FANCM: variants seen among roughly 807,000 people sequenced by gnomAD.
FANCM encodes FA complementation group M, also known as Fanconi anemia group M protein.
A neutral mutation model predicts 199.5 loss-of-function variants in FANCM; 140 were observed. The observed-to-expected ratio is 0.70, with a 90% CI of 0.61 to 0.81. The LOEUF (loss-of-function observed/expected upper bound fraction) is 0.81, where lower values mean the gene tolerates loss of function less well. FANCM is among the 30% of genes least tolerant of loss of function. The pLI, the probability that FANCM is intolerant of heterozygous loss-of-function variation, is 0.00. For synonymous variants in FANCM, 840 were observed against 836.8 expected, an observed-to-expected ratio of 1.00 and a Z score of -0.07; for missense variants, 2,410 against 2,421.4, an observed-to-expected ratio of 1.00 and a Z score of 0.10.
chr14:45,195,722 G>C (rs768909553), intron 20 of FANCM: 9 of 324,932 alleles, frequency 2.8e-5, no homozygotes, highest in Non-Finnish European at 5.5e-5. Flanking sequence ...TTTTAAAACT[G>C]AACAGGTTTA....
intron 20 of FANCM, among the ~76,000 whole-genome samples, chr14:45,195,234 A>G (rs773587062): frequency 1.3e-5 from 2 of 152,132 alleles, no homozygotes; most frequent in Admixed American, 6.5e-5. Flanking sequence ...CATAAGAGCC[A>G]TTTGCATTTC....
rs76768362 is a variant in FANCM at position 45,151,104 on chromosome 14, A to G, written c.919-293A>G. Among the ~76,000 whole-genome samples the G allele has an allele frequency of 0.028, 4,323 of 152,292 alleles. 136 individuals carry two copies. The highest frequency in any genetic ancestry group is 0.071 in the African/African-American group (2,969 of 41,560). On this transcript the variant is annotated intron_variant, in intron 4 of 22. Coordinates refer to ENST00000267430, the MANE Select transcript of FANCM (RefSeq NM_020937.4). ...CTTCGTTCATGGTACTTACACTTAG[A>G]TTATAGTGTGTGTAGGTTGAGAGAG... is the stretch of plus-strand genomic sequence containing the variant.
chr14:45,200,097 TAAG>T lies in FANCM; in HGVS notation c.*91_*93del, dbSNP rs1890281673. On this transcript the variant is annotated 3_prime_UTR_variant, in exon 23 of 23. Transcript: ENST00000267430. ...TTGCTGTTTTATGTTTATTTGTAAA[TAAG>T]AGAATATTTTATTTAAATATTTTAT... is the stretch of plus-strand genomic sequence containing the variant. 10 of 666,070 alleles carry T rather than the reference TAAG, an allele frequency of 1.5e-5. No individual in the cohort carries two copies. Among genetic ancestry groups the T allele is most frequent in the Non-Finnish European group, 2.3e-5 (10 of 426,742 alleles). The allele number at this position is 666,070 out of a possible 1,614,324, so 41.3% of individuals were successfully genotyped here.
At chr14:45,152,384 G>C (rs1004528258) in intron 5 of FANCM, among the ~76,000 whole-genome samples, 1 of 151,924 alleles carries the variant, frequency 6.6e-6, no homozygotes, top group African/African-American at 2.4e-5. Flanking sequence ...TATTTATTTT[G>C]TAAAGTCTCA....
In FANCM at chr14:45,136,514, G is replaced by T; in HGVS notation, c.483G>T (p.Pro161=). 6.2e-7 allele frequency: 1 copy of T among 1,613,886 alleles called. No homozygotes were observed. The highest frequency in any genetic ancestry group is 8.5e-7 in the Non-Finnish European group (1 of 1,179,982). The change falls in exon 1 of 23, where the codon CCG becomes CCT. Residue 161 remains proline (P), a synonymous_variant. Coordinates refer to ENST00000267430, the MANE Select transcript of FANCM (RefSeq NM_020937.4). ...IEACYQVMGI[P]QSHMAEMTGS... ...CTTGCTACCAGGTGATGGGTATCCCGCAATCCCACATGGCCGAAATGACAG... is the reference window on the plus strand; with the variant it reads ...CTTGCTACCAGGTGATGGGTATCCCTCAATCCCACATGGCCGAAATGACAG...
chr14:45,171,082 G>A (rs1375952478), intron 12 of FANCM, among the ~76,000 whole-genome samples: 2 of 151,170 alleles, frequency 1.3e-5, no homozygotes, highest in African/African-American at 4.9e-5. Flanking sequence ...TTTACTCTGT[G>A]ATATACCATA....
At chr14:45,142,656 G>C (rs1407872605) in intron 3 of FANCM, among the ~76,000 whole-genome samples, 1 of 151,934 alleles carries the variant, frequency 6.6e-6, no homozygotes, top group African/African-American at 2.4e-5. Flanking sequence ...TGAAGTGTAG[G>C]TGCCAGATAT....
chr14:45,163,026 A>G (rs1296426289), intron 9 of FANCM, among the ~76,000 whole-genome samples: 3 of 152,210 alleles, frequency 2.0e-5, no homozygotes, highest in Non-Finnish European at 2.9e-5. Context: ...ATTGAAAGAA[A>G]ATCCTTGGAC....
intron 14 of FANCM, chr14:45,181,023 G>T: frequency 5.2e-6 from 1 of 192,518 alleles, no homozygotes; most frequent in Non-Finnish European, 1.1e-5. Flanking sequence ...TTTGTAGCTT[G>T]CATTTTTATG....
At position 45,137,059 on chromosome 14, in the gene FANCM, T is replaced by G. The variant is rs560644773; in HGVS notation, c.509-10T>G. ...AAGTTTAGAATGTAGAATGTCACTT[T>G]TATTTTCAGGGTCTACACAAGCTTC... On this transcript the variant is annotated splice_polypyrimidine_tract_variant and intron_variant, in intron 1 of 22. Coordinates refer to ENST00000267430, the MANE Select transcript of FANCM (RefSeq NM_020937.4). The G allele has an allele frequency of 5.0e-6, 8 of 1,605,860 alleles. No individual in the cohort carries two copies. The African/African-American group carries it at 1.1e-4, about 21-fold the overall frequency.
At position 45,136,987 on chromosome 14, in the gene FANCM, G is replaced by T; in HGVS notation, c.509-82G>T. On this transcript the variant is annotated intron_variant, in intron 1 of 22. Coordinates refer to ENST00000267430, the MANE Select transcript of FANCM (RefSeq NM_020937.4). ...CTCTTAATGTTACCAAAGCATGTTTGCATTCTGAAAAAGCCAGACTATTTA... is the reference window on the plus strand; with the variant it reads ...CTCTTAATGTTACCAAAGCATGTTTTCATTCTGAAAAAGCCAGACTATTTA... 2 of 1,026,072 alleles carry T rather than the reference G, an allele frequency of 1.9e-6. 1 individual carries two copies. Among genetic ancestry groups the T allele is most frequent in the South Asian group, 2.6e-5 (2 of 77,394 alleles). The allele number at this position is 1,026,072 out of a possible 1,614,324, so 63.6% of individuals were successfully genotyped here.
intron 21 of FANCM, among the ~76,000 whole-genome samples, chr14:45,197,726 A>T (rs1304460070): frequency 3.3e-5 from 5 of 150,118 alleles, no homozygotes; most frequent in Non-Finnish European, 5.9e-5. Context: ...CAGCCTTCCA[A>T]AGTGCTGGGA....
intron 5 of FANCM, among the ~76,000 whole-genome samples, chr14:45,153,051 T>G (rs1258028987): frequency 6.6e-6 from 1 of 152,218 alleles, no homozygotes; most frequent in Non-Finnish European, 1.5e-5. Context: ...AACATTGATG[T>G]TAAGTGCTAC....
chr14:45,176,652 G>T lies in FANCM; in HGVS notation c.3898G>T (p.Glu1300Ter), dbSNP rs751795256. Residue 1300 changes from glutamate to a stop codon, truncating the protein, a stop_gained, in exon 14 of 23, where the codon GAA becomes TAA. Coordinates refer to ENST00000267430, the MANE Select transcript of FANCM (RefSeq NM_020937.4). LOFTEE classifies it high-confidence loss of function. ...TGGAACTGTTATTATCCCATCAAAT[G>T]AAGATATGCAGAATCCAAATTATGT... Reference protein sequence around the residue: ...TSGTVIIPSNEDMQNPNYVHL... With the variant: ...TSGTVIIPSN 3.7e-6 allele frequency: 6 copies of T among 1,613,722 alleles called. No individual in the cohort carries two copies. The highest frequency in any genetic ancestry group is 5.1e-6 in the Non-Finnish European group (6 of 1,179,814).
Position 45,173,189 on chromosome 14 carries a change from A to G in FANCM, c.2295A>G (p.Ile765Met). The G allele has an allele frequency of 1.2e-6, 2 of 1,613,896 alleles. No homozygotes were observed. The highest frequency in any genetic ancestry group is 1.7e-6 in the Non-Finnish European group (2 of 1,179,826). Residue 765 changes from isoleucine to methionine, a missense_variant, in exon 13 of 23, where the codon ATA (isoleucine) becomes ATG (methionine). Ile to Met is a conservative substitution (Grantham distance 10). Transcript: ENST00000267430. ...CRHFIGLMQMIEGMRHEEGEC... is the reference protein window; with the variant it reads ...CRHFIGLMQMMEGMRHEEGEC... Reference sequence around the variant, plus strand: ...ATTTTATAGGCCTTATGCAAATGATAGAGGGAATGAGACACGAAGAGGTGG... The same window carrying G: ...ATTTTATAGGCCTTATGCAAATGATGGAGGGAATGAGACACGAAGAGGTGG...
chr14:45,169,677 C>T (rs1888218244), intron 11 of FANCM, among the ~76,000 whole-genome samples: 1 of 152,122 alleles, frequency 6.6e-6, no homozygotes, highest in African/African-American at 2.4e-5. Flanking sequence ...GAGGTGTCAG[C>T]CACTGCACCC....
intron 21 of FANCM, 154 bp from the exon 22 acceptor site, chr14:45,198,490 G>A (rs1890188968): frequency 9.9e-6 from 5 of 506,614 alleles, no homozygotes; most frequent in Non-Finnish European, 1.4e-5. Context: ...TCAGATATTT[G>A]AGAAACATTA....
At chr14:45,143,846 A>G (rs1195875830) in intron 3 of FANCM, among the ~76,000 whole-genome samples, 1 of 151,514 alleles carries the variant, frequency 6.6e-6, no homozygotes, top group Non-Finnish European at 1.5e-5. Context: ...GGTGCCCACC[A>G]CCATGCTCAG....
In FANCM at chr14:45,140,776, C is replaced by A; in HGVS notation, c.759+67C>A. On this transcript the variant is annotated intron_variant, in intron 3 of 22. Transcript: ENST00000267430. Reference sequence around the variant, plus strand: ...AAGCTTTTGGCCAGGTGCAGTGAGTCATACCTGTAATCCTAGTGCTTTGGG... The same window carrying A: ...AAGCTTTTGGCCAGGTGCAGTGAGTAATACCTGTAATCCTAGTGCTTTGGG... 3 of 968,724 alleles carry A rather than the reference C, an allele frequency of 3.1e-6. No individual in the cohort carries two copies. The South Asian group carries it at 3.9e-5, about 12-fold the overall frequency. The allele number at this position is 968,724 out of a possible 1,614,324, so 60.0% of individuals were successfully genotyped here. A position where few individuals can be genotyped will look rare whatever the true frequency, so the allele number is the denominator to read the frequency against.
Sources: gnomAD v4.1 joint callset for allele counts (sites outside exome capture counted in the v4.1 genomes callset) on GRCh38, gnomAD v4.1.1 for gene constraint, MANE v1.5 for transcripts, NCBI Gene and HGNC (gene_info 2026-07-23, HGNC 2026-07-21) for gene names.